The following FBXO25 variants were observed in gnomAD, a reference collection of about 807,000 sequenced individuals.
FBXO25 encodes the protein F-box protein 25.
In FBXO25, 45 loss-of-function variants were observed where a neutral mutation model predicts 51.9. That is an observed-to-expected ratio of 0.87 (90% CI 0.68 to 1.11). FBXO25 has a LOEUF of 1.11. FBXO25 is among the 50% of genes most tolerant of loss of function. FBXO25 has a pLI of 0.00. For missense variants in FBXO25, 507 were observed against 428.5 expected (o/e 1.18, Z -1.62); for synonymous variants, 199 against 151.0 (o/e 1.32, Z -2.33).
chr8:437,086 C>T (rs554861733), intron 5 of FBXO25, among the ~76,000 whole-genome samples: 7 of 152,252 alleles, frequency 4.6e-5, no homozygotes, highest in East Asian at 3.9e-4. Context: ...CTGTGTACCA[C>T]ATACTACTAT....
intron 5 of FBXO25, among the ~76,000 whole-genome samples, chr8:442,950 T>C (rs1193633943): frequency 2.0e-5 from 3 of 152,174 alleles, no homozygotes; most frequent in Non-Finnish European, 4.4e-5. Flanking sequence ...CCCATAAAAA[T>C]GCCGGATTAA....
rs1430527776 is a variant in FBXO25 at position 451,292 on chromosome 8, C to T, written c.499C>T (p.Arg167Cys). 4.1e-5 allele frequency: 66 copies of T among 1,609,570 alleles called. 1 individual carries two copies. In the Admixed American group the frequency reaches 1.0e-3, roughly 25 times the overall value. ...AGTTCTTGATGACCACCACAATCCT[C>T]GCTTAATCAAAGATCTTCTGCAAGA... ...QKVLDDHHNP[R>C]LIKDLLQDLS... The change falls in exon 7 of 10, where the codon CGC becomes TGC. Residue 167 changes from arginine (R) to cysteine (C), a missense_variant. Transcript: ENST00000350302.
intron 7 of FBXO25, among the ~76,000 whole-genome samples, chr8:452,471 G>C (rs925247458): frequency 2.6e-5 from 4 of 152,220 alleles, no homozygotes; most frequent in Non-Finnish European, 5.9e-5. Flanking sequence ...CTTATGCATG[G>C]CATGGGGCTT....
intron 7 of FBXO25, among the ~76,000 whole-genome samples, chr8:458,039 G>A (rs111562336): frequency 1.2e-4 from 19 of 152,322 alleles, no homozygotes; most frequent in African/African-American, 4.6e-4. Flanking sequence ...ATCCACAGAC[G>A]CTGCCCTTCT....
At chr8:435,327 T>C (rs111745549) in intron 4 of FBXO25, 41,267 of 417,982 alleles carry the variant, frequency 0.099, 3,039 homozygotes, top group African/African-American at 0.27. Context: ...CCCCAGTTTG[T>C]CCCCAACAAA....
In FBXO25 at chr8:472,681, G is replaced by A. The variant is rs1800520647; in HGVS notation, c.*3877G>A. ...ACTCCATATAAGATTTGAAGTCACT[G>A]AGAAGCTTCAATTATCCTTTAAGAG... On this transcript the variant is annotated 3_prime_UTR_variant, in exon 10 of 10. Transcript: ENST00000350302. 1 of 152,228 alleles carries A rather than the reference G, an allele frequency of 6.6e-6. No individual in the cohort carries two copies. The highest frequency in any genetic ancestry group is 1.5e-5 in the Non-Finnish European group (1 of 68,040). The allele number at this position is 152,228 out of a possible 1,614,324, so 9.4% of individuals were successfully genotyped here. A position where few individuals can be genotyped will look rare whatever the true frequency, so the allele number is the denominator to read the frequency against.
At chr8:430,697 G>T (rs1253216622) in intron 2 of FBXO25, among the ~76,000 whole-genome samples, 1 of 152,096 alleles carries the variant, frequency 6.6e-6, no homozygotes, top group Non-Finnish European at 1.5e-5. Flanking sequence ...ACTATTTACA[G>T]GTGTTTTTTT....
chr8:438,794 G>T (rs1798247471), intron 5 of FBXO25, among the ~76,000 whole-genome samples: 1 of 152,156 alleles, frequency 6.6e-6, no homozygotes, highest in Non-Finnish European at 1.5e-5. Flanking sequence ...GTGATCACAG[G>T]GTTGTGGCAA....
At chr8:413,916 T>C (rs117957167) in intron 2 of FBXO25, among the ~76,000 whole-genome samples, 9,564 of 152,212 alleles carry the variant, frequency 0.063, 328 homozygotes, top group Middle Eastern at 0.082. Flanking sequence ...AGGTGGCTAT[T>C]GTATGATGAC....
At chr8:438,841 C>T (rs1331027952) in intron 5 of FBXO25, among the ~76,000 whole-genome samples, 1 of 152,210 alleles carries the variant, frequency 6.6e-6, no homozygotes, top group African/African-American at 2.4e-5. Context: ...ACCTTGGCCT[C>T]ACCGCCCCCA....
chr8:407,358 C>T (rs1796217022), intron 1 of FBXO25: 1 of 953,236 alleles, frequency 1.0e-6, no homozygotes, highest in Non-Finnish European at 1.2e-6. Context: ...TGCGCGTCTG[C>T]TGAAGTCTGG....
At chr8:446,611 A>G (rs1031189753) in intron 5 of FBXO25, among the ~76,000 whole-genome samples, 1 of 152,220 alleles carries the variant, frequency 6.6e-6, no homozygotes, top group African/African-American at 2.4e-5. Flanking sequence ...GGTGCTATTC[A>G]ACACTAAAAC....
chr8:431,044 G>GT (rs963565001), intron 2 of FBXO25, among the ~76,000 whole-genome samples: 2 of 151,926 alleles, frequency 1.3e-5, no homozygotes, highest in Admixed American at 1.3e-4. Context: ...TTTAATAGTT[G>GT]TTTTTTAAAA....
intron 2 of FBXO25, among the ~76,000 whole-genome samples, chr8:416,492 G>A (rs2117455269): frequency 6.6e-6 from 1 of 152,348 alleles, no homozygotes; most frequent in African/African-American, 2.4e-5. Context: ...ACAGTTAAGT[G>A]TGTTGCCCTT....
At chr8:465,390 T>A (rs1800090223) in intron 9 of FBXO25, among the ~76,000 whole-genome samples, 1 of 152,216 alleles carries the variant, frequency 6.6e-6, no homozygotes, top group Non-Finnish European at 1.5e-5. Flanking sequence ...ACTATAGAAC[T>A]ATTACAAGCA....
chr8:411,379 C>T (rs555748184), intron 1 of FBXO25, among the ~76,000 whole-genome samples: 1 of 152,186 alleles, frequency 6.6e-6, no homozygotes, highest in East Asian at 1.9e-4. Flanking sequence ...AGTTTTTCTT[C>T]TTGGCTTATA....
chr8:414,961 T>C (rs1186773050), intron 2 of FBXO25, among the ~76,000 whole-genome samples: 1 of 152,236 alleles, frequency 6.6e-6, no homozygotes, highest in Non-Finnish European at 1.5e-5. Flanking sequence ...GGGTAGAGGC[T>C]GTTGGTGACC....
In FBXO25 at chr8:473,908, T is replaced by C. The variant is rs371006193; in HGVS notation, c.*5104T>C. On this transcript the variant is annotated 3_prime_UTR_variant, in exon 10 of 10. Coordinates refer to ENST00000350302, the MANE Select transcript of FBXO25 (RefSeq NM_183420.2). ...TTATTATCTAACCTATGTAGTCAAT[T>C]CTAATGTCATTTAAAAGAATTTGAC... 1.4e-4 allele frequency: 21 copies of C among 152,340 alleles called. No homozygotes were observed. In the South Asian group the frequency reaches 3.9e-3, roughly 29 times the overall value. 9.4% of individuals were successfully genotyped at this position (152,340 alleles called of 1,614,324 possible). A position where few individuals can be genotyped will look rare whatever the true frequency, so the allele number is the denominator to read the frequency against.
intron 9 of FBXO25, among the ~76,000 whole-genome samples, chr8:467,494 C>T (rs549425047): frequency 6.6e-6 from 1 of 152,192 alleles, no homozygotes; most frequent in Non-Finnish European, 1.5e-5. Context: ...TTAAGACTGT[C>T]TTCAAGTAGT....
Sources: gnomAD v4.1 joint callset for allele counts (sites outside exome capture counted in the v4.1 genomes callset) on GRCh38, gnomAD v4.1.1 for gene constraint, MANE v1.5 for transcripts, NCBI Gene and HGNC (gene_info 2026-07-23, HGNC 2026-07-21) for gene names.